Variants in MAST4 observed in about 807,000 individuals in gnomAD.
MAST4 encodes microtubule-associated serine/threonine-protein kinase 4.
In MAST4, 89 loss-of-function variants were observed where a neutral mutation model predicts 162.7. The observed-to-expected ratio is 0.55, with a 90% CI of 0.46 to 0.65. The LOEUF is 0.65. Ranked by LOEUF, MAST4 falls within the 30% of genes least tolerant of loss-of-function variation. The pLI is 0.00. For synonymous variants in MAST4, 1,479 were observed against 1,361.1 expected (o/e 1.09, Z -1.91); for missense variants, 3,153 against 3,374.0 (o/e 0.93, Z 1.62).
In MAST4 at chr5:66,759,856, C is replaced by G. The variant is rs761817216; in HGVS notation, c.511C>G (p.Leu171Val). 6.2e-7 allele frequency: 1 copy of G among 1,613,870 alleles called. No individual in the cohort carries two copies. Among genetic ancestry groups the G allele is most frequent in the South Asian group, 1.1e-5 (1 of 91,074 alleles). ...AAGGCGAGGGAGCCTGGGAGGAGCC[C>G]TGACTGGTGAGTCGCAGCGGCTTGG... Reference protein sequence around the residue: ...QLRRGSLGGALTGRYLLPNPV... With the variant: ...QLRRGSLGGAVTGRYLLPNPV... Residue 171 changes from leucine to valine, a missense_variant, in exon 2 of 29, where the codon CTG becomes GTG. Around this residue, in one of 7 missense-constraint regions of MAST4, gnomAD observed 327 missense variants for 336.5 expected, o/e 0.97. Transcript: ENST00000403625.
chr5:67,116,768 A>C (rs1316495729), intron 12 of MAST4, among the ~76,000 whole-genome samples: 1 of 152,084 alleles, frequency 6.6e-6, no homozygotes, highest in Non-Finnish European at 1.5e-5. Flanking sequence ...GTGAGCCGAG[A>C]TGGCGCCATT....
At chr5:66,693,644 C>T (rs1749198596) in intron 1 of MAST4, among the ~76,000 whole-genome samples, 1 of 152,086 alleles carries the variant, frequency 6.6e-6, no homozygotes, top group Non-Finnish European at 1.5e-5. Flanking sequence ...TAGATGCCAT[C>T]AAATCTCTTA....
chr5:66,658,353 C>T (rs1746686693), intron 1 of MAST4, among the ~76,000 whole-genome samples: 1 of 152,134 alleles, frequency 6.6e-6, no homozygotes, highest in South Asian at 2.1e-4. Context: ...TGAAGTGTTA[C>T]AAAGACGGGC....
At chr5:67,104,686 C>G in intron 10 of MAST4, 111 bp downstream of exon 10, 1 of 447,762 alleles carries the variant, frequency 2.2e-6, no homozygotes. Flanking sequence ...TCCAGAGAAG[C>G]AAAAAAGAAG....
chr5:67,164,507 T>C lies in MAST4; in HGVS notation c.5328T>C (p.Ala1776=), dbSNP rs757893439. ...DSGTEKPGLV[A]PESPVRKSPS... is the part of the protein sequence containing the mutation. ...GAACGGAGAAGCCTGGCTTGGTTGC[T>C]CCTGAGTCCCCTGTTAGGAAGAGCC... is the stretch of plus-strand genomic sequence containing the variant. Residue 1776 remains alanine (A), a synonymous_variant, in exon 29 of 29, where the codon GCT becomes GCC. Coordinates refer to ENST00000403625, the MANE Select transcript of MAST4 (RefSeq NM_001164664.2). The surrounding 1 kb of genome is among the most constrained non-coding windows in gnomAD (Gnocchi z 5.3). 2 of 1,613,898 alleles carry C rather than the reference T, an allele frequency of 1.2e-6. No individual in the cohort carries two copies. The highest frequency in any genetic ancestry group is 1.6e-4 in the Middle Eastern group (1 of 6,062).
chr5:67,005,214 C>T (rs1346413695), intron 4 of MAST4: 6 of 670,034 alleles, frequency 9.0e-6, no homozygotes, highest in Non-Finnish European at 1.4e-5. Context: ...AAGTTTATGC[C>T]CCGCTAGGGG....
intron 3 of MAST4, among the ~76,000 whole-genome samples, chr5:66,829,075 C>G (rs1757421777): frequency 6.6e-6 from 1 of 152,094 alleles, no homozygotes; most frequent in African/African-American, 2.4e-5. Context: ...CTGCTTTTGT[C>G]AGAGACAATA....
intron 3 of MAST4, among the ~76,000 whole-genome samples, chr5:66,895,116 C>T (rs1422546211): frequency 6.6e-6 from 1 of 152,184 alleles, no homozygotes; most frequent in East Asian, 1.9e-4. Flanking sequence ...CTGACGTCGT[C>T]TGCCCAACCA....
intron 4 of MAST4, among the ~76,000 whole-genome samples, chr5:67,020,471 G>A (rs1224132232): frequency 2.6e-5 from 4 of 152,182 alleles, no homozygotes; most frequent in African/African-American, 7.2e-5. Flanking sequence ...CTCTTGGAAG[G>A]ATTGTTTCGC....
chr5:67,083,834 T>A (rs1762936163), intron 5 of MAST4, among the ~76,000 whole-genome samples: 1 of 152,112 alleles, frequency 6.6e-6, no homozygotes, highest in Non-Finnish European at 1.5e-5. Flanking sequence ...GTAAAAGTAA[T>A]CTCTTCTCTG....
chr5:66,817,552 T>G (rs1023297703), intron 3 of MAST4, among the ~76,000 whole-genome samples: 3 of 152,212 alleles, frequency 2.0e-5, no homozygotes, highest in African/African-American at 7.2e-5. Context: ...CCCATTGCCT[T>G]ACTTAAAGAA....
At chr5:66,721,480 G>T (rs1751206333) in intron 1 of MAST4, among the ~76,000 whole-genome samples, 1 of 151,298 alleles carries the variant, frequency 6.6e-6, no homozygotes, top group Admixed American at 6.6e-5. Flanking sequence ...AGTCTTAGTT[G>T]TCTTCCTAAC....
chr5:66,868,502 T>A (rs1378228651), intron 3 of MAST4, among the ~76,000 whole-genome samples: 1 of 151,414 alleles, frequency 6.6e-6, no homozygotes, highest in Non-Finnish European at 1.5e-5. Context: ...TTTTTTTTTT[T>A]TTTTTAGCAA....
At chr5:66,823,037 C>A (rs1165058223) in intron 3 of MAST4, among the ~76,000 whole-genome samples, 1 of 152,126 alleles carries the variant, frequency 6.6e-6, no homozygotes, top group Admixed American at 6.5e-5. Context: ...CAGTTTCCCC[C>A]ATGCTGTTCT....
chr5:67,013,354 G>A (rs186347882), intron 4 of MAST4, among the ~76,000 whole-genome samples: 13 of 152,266 alleles, frequency 8.5e-5, no homozygotes, highest in African/African-American at 3.1e-4. Context: ...CCTAGGTGGA[G>A]GGAATGAGAA....
chr5:66,618,196 A>G (rs1339800554), intron 1 of MAST4, among the ~76,000 whole-genome samples: 1 of 152,220 alleles, frequency 6.6e-6, no homozygotes, highest in African/African-American at 2.4e-5. Context: ...TTTTCTGCGC[A>G]GGAACTACGC....
intron 5 of MAST4, among the ~76,000 whole-genome samples, chr5:67,078,911 AATATATATATATATATATATATAT>A (rs750951069): frequency 2.6e-5 from 1 of 38,110 alleles, no homozygotes; most frequent in Middle Eastern, 0.022. Flanking sequence ...TTTTTATATA[AATATATATATATATATATATATAT>A]ATATATATAT....
chr5:67,053,144 G>A (rs1054190244), intron 4 of MAST4, among the ~76,000 whole-genome samples: 26 of 152,122 alleles, frequency 1.7e-4, no homozygotes, highest in African/African-American at 5.6e-4. Flanking sequence ...GCTGATTGCT[G>A]CACTAAGGAA....
At chr5:66,929,644 G>C (rs1462172486) in intron 4 of MAST4, among the ~76,000 whole-genome samples, 2 of 152,206 alleles carry the variant, frequency 1.3e-5, no homozygotes, top group Admixed American at 6.5e-5. Flanking sequence ...CTCACAGCTA[G>C]ATACAGTTAT....
Sources: allele counts gnomAD v4.1 joint callset (sites outside exome capture counted in the v4.1 genomes callset), GRCh38; gene constraint gnomAD v4.1.1; regional missense constraint gnomAD v4.1.1; non-coding constraint Gnocchi (gnomAD v3.1); transcripts MANE v1.5; gene names NCBI Gene and HGNC (gene_info 2026-07-23, HGNC 2026-07-21).